Variants in DOCK8 observed in about 807,000 individuals in gnomAD.
The protein encoded by DOCK8 is dedicator of cytokinesis 8.
DOCK8 carries 141 observed loss-of-function variants against 245.6 expected under a neutral mutation model. That is an observed-to-expected ratio of 0.57 (90% confidence interval 0.50 to 0.66). The LOEUF (loss-of-function observed/expected upper bound fraction) is 0.66, where lower values mean the gene tolerates loss of function less well. Ranked by LOEUF, DOCK8 falls within the 30% of genes least tolerant of loss-of-function variation. The probability of loss-of-function intolerance (pLI) is 0.00; values close to 1 mark genes in which losing one functional copy is unlikely to be tolerated. For synonymous variants in DOCK8, 1,168 were observed against 970.2 expected (o/e 1.20, Z -3.79); for missense variants, 2,965 against 2,603.4 (o/e 1.14, Z -3.02).
chr9:296,481 C>T (rs755326978), intron 4 of DOCK8, among the ~76,000 whole-genome samples: 3 of 152,142 alleles, frequency 2.0e-5, no homozygotes, highest in Admixed American at 2.0e-4. Flanking sequence ...CTTTGTTTTT[C>T]ATCTGGGGTG....
rs190038655 is a variant in DOCK8 at position 433,386 on chromosome 9, G to T, written c.4786-489G>T. 1.2e-3 allele frequency among the ~76,000 whole-genome samples: 187 copies of T among 152,214 alleles called. 1 individual carries two copies. The highest frequency in any genetic ancestry group is 4.3e-3 in the African/African-American group (179 of 41,520). ...AGTCTCTCCCTGTTTTTGTACTGCAGGCTCCCCTGGACCTCCACTGTTGGT... is the reference window on the plus strand; with the variant it reads ...AGTCTCTCCCTGTTTTTGTACTGCATGCTCCCCTGGACCTCCACTGTTGGT... On this transcript the variant is annotated intron_variant, in intron 37 of 47. Transcript: ENST00000432829.
chr9:213,915 A>G (rs1339469827), upstream of DOCK8: 1 of 152,044 alleles, frequency 6.6e-6, no homozygotes, highest in Non-Finnish European at 1.5e-5. Context: ...TTTAGTAGAG[A>G]CGGGGTTTCA....
chr9:257,749 C>T (rs1212557731), intron 1 of DOCK8, among the ~76,000 whole-genome samples: 2 of 152,120 alleles, frequency 1.3e-5, no homozygotes, highest in African/African-American at 2.4e-5. Flanking sequence ...GATCCCTTGA[C>T]CTCATGATCT....
intron 1 of DOCK8, among the ~76,000 whole-genome samples, chr9:257,699 C>T (rs749873657): frequency 9.9e-5 from 15 of 151,862 alleles, no homozygotes; most frequent in Non-Finnish European, 2.1e-4. Context: ...TTGTATTTTT[C>T]GTAGAGACGG....
chr9:284,477 C>T (rs990808288), intron 2 of DOCK8: 3 of 152,210 alleles, frequency 2.0e-5, no homozygotes, highest in Non-Finnish European at 2.9e-5. Context: ...ACCTGAAAAC[C>T]CCGGGAAACG....
intron 5 of DOCK8, among the ~76,000 whole-genome samples, chr9:306,297 A>C (rs376935181): frequency 6.6e-6 from 1 of 152,194 alleles, no homozygotes; most frequent in Non-Finnish European, 1.5e-5. Flanking sequence ...AGAATCAGCC[A>C]TCATTTCCAG....
chr9:368,190 C>T (rs188296168), intron 15 of DOCK8, 55 bp downstream of exon 15: 2 of 1,376,572 alleles, frequency 1.5e-6, no homozygotes, highest in African/African-American at 2.8e-5. Flanking sequence ...TCACCCCTGT[C>T]ACTTCACACA....
chr9:336,946 A>C (rs2051339960), intron 12 of DOCK8, among the ~76,000 whole-genome samples: 1 of 152,084 alleles, frequency 6.6e-6, no homozygotes, highest in South Asian at 2.1e-4. Flanking sequence ...TTGAGGGCCC[A>C]CCCTTGGTGA....
intron 1 of DOCK8, among the ~76,000 whole-genome samples, chr9:266,505 A>T (rs573851): frequency 6.6e-6 from 1 of 152,000 alleles, no homozygotes; most frequent in East Asian, 1.9e-4. Context: ...CTATACCACA[A>T]GAGATGCTAA....
At chr9:223,555 C>T (rs953384207) in intron 1 of DOCK8, among the ~76,000 whole-genome samples, 19 of 151,822 alleles carry the variant, frequency 1.3e-4, no homozygotes, top group African/African-American at 4.3e-4. Context: ...TTTTGGAAAT[C>T]CTTTTAGAAT....
rs1465766530 is a variant in DOCK8 at position 215,003 on chromosome 9, C to A, written c.27C>A (p.Arg9=). Residue 9 remains arginine, a synonymous_variant, in exon 1 of 48, where the codon CGC becomes CGA. Coordinates refer to ENST00000432829, the MANE Select transcript of DOCK8 (RefSeq NM_203447.4). MATLPSAE[R]RAFALKINRY... is the part of the protein sequence containing the mutation. ...TGGCCACTCTGCCGAGCGCAGAGCGCCGCGCGTTCGCGCTCAAGATCAACA... is the reference window on the plus strand; with the variant it reads ...TGGCCACTCTGCCGAGCGCAGAGCGACGCGCGTTCGCGCTCAAGATCAACA... 2 of 1,595,068 alleles carry A rather than the reference C, an allele frequency of 1.3e-6. No individual in the cohort carries two copies. Among genetic ancestry groups the A allele is most frequent in the Non-Finnish European group, 1.7e-6 (2 of 1,175,316 alleles).
At chr9:419,001 G>A (rs544964617) in intron 30 of DOCK8, among the ~76,000 whole-genome samples, 1 of 152,272 alleles carries the variant, frequency 6.6e-6, no homozygotes, top group South Asian at 2.1e-4. Context: ...CTGTCCTTTT[G>A]CATGGACTCT....
intron 1 of DOCK8, among the ~76,000 whole-genome samples, chr9:220,044 T>A (rs1250530361): frequency 6.6e-6 from 1 of 152,234 alleles, no homozygotes; most frequent in African/African-American, 2.4e-5. Context: ...TAGATGTGTA[T>A]CTGCAGTGAG....
chr9:267,804 G>A (rs975245262), intron 1 of DOCK8, among the ~76,000 whole-genome samples: 4 of 152,148 alleles, frequency 2.6e-5, no homozygotes, highest in Non-Finnish European at 4.4e-5. Flanking sequence ...TTTCCAATGT[G>A]GGATGCTTTG....
Position 464,992 on chromosome 9 carries a change from C to G in DOCK8, c.*773C>G, listed in dbSNP as rs1274819258. 6.6e-6 allele frequency: 1 copy of G among 152,536 alleles called. No homozygotes were observed. Among genetic ancestry groups the G allele is most frequent in the Non-Finnish European group, 1.5e-5 (1 of 68,180 alleles). The allele number at this position is 152,536 out of a possible 1,614,324, so 9.4% of individuals were successfully genotyped here. Reference sequence around the variant, plus strand: ...ATGCTTTGCTTTTTTTCTTATGTCACTCTTGTGTACTATCTATTTTTCTCC... The same window carrying G: ...ATGCTTTGCTTTTTTTCTTATGTCAGTCTTGTGTACTATCTATTTTTCTCC... On this transcript the variant is annotated 3_prime_UTR_variant, in exon 48 of 48. Coordinates refer to ENST00000432829, the MANE Select transcript of DOCK8 (RefSeq NM_203447.4).
At chr9:440,929 C>A (rs1172465112) in intron 40 of DOCK8, among the ~76,000 whole-genome samples, 1 of 152,062 alleles carries the variant, frequency 6.6e-6, no homozygotes, top group Non-Finnish European at 1.5e-5. Context: ...GAGATGGGGT[C>A]TCCCTATGGT....
At chr9:457,836 C>T (rs879747976) in intron 46 of DOCK8, among the ~76,000 whole-genome samples, 4 of 152,222 alleles carry the variant, frequency 2.6e-5, no homozygotes, top group Admixed American at 2.0e-4. Context: ...CTCTTCTGAA[C>T]ATTTGATATG....
In DOCK8 at chr9:317,027, A is replaced by G. The variant is rs775878442; in HGVS notation, c.742-16A>G. On this transcript the variant is annotated splice_polypyrimidine_tract_variant and intron_variant, in intron 6 of 47. Coordinates refer to ENST00000432829, the MANE Select transcript of DOCK8 (RefSeq NM_203447.4). Reference sequence around the variant, plus strand: ...AGAATTCACTAATGATTTCCTTACGATGTGATTAAAAATAGGAGGATGCTG... The same window carrying G: ...AGAATTCACTAATGATTTCCTTACGGTGTGATTAAAAATAGGAGGATGCTG... The G allele has an allele frequency of 3.8e-5, 61 of 1,598,804 alleles. 1 individual carries two copies. The highest frequency in any genetic ancestry group is 3.4e-4 in the South Asian group (31 of 90,788).
chr9:348,538 G>A lies in DOCK8; in HGVS notation c.1679+8217G>A, dbSNP rs141569221. Among the ~76,000 whole-genome samples the A allele has an allele frequency of 3.3e-5, 5 of 152,262 alleles. No individual in the cohort carries two copies. The East Asian group carries it at 9.6e-4, about 29-fold the overall frequency. Reference sequence around the variant, plus strand: ...AGAATTCAGCAGGAAGCTTCATGAGGCACCCTGTTTCTACATGAGTTGCCC... The same window carrying A: ...AGAATTCAGCAGGAAGCTTCATGAGACACCCTGTTTCTACATGAGTTGCCC... On this transcript the variant is annotated intron_variant, in intron 14 of 47. Coordinates refer to ENST00000432829, the MANE Select transcript of DOCK8 (RefSeq NM_203447.4).
Sources: gnomAD v4.1 joint callset for allele counts (sites outside exome capture counted in the v4.1 genomes callset) on GRCh38, gnomAD v4.1.1 for gene constraint, MANE v1.5 for transcripts, NCBI Gene and HGNC (gene_info 2026-07-23, HGNC 2026-07-21) for gene names.